FAM149A: variants seen among roughly 807,000 people sequenced by gnomAD.
FAM149A encodes protein FAM149A.
A neutral mutation model predicts 78.2 loss-of-function variants in FAM149A; 71 were observed. The ratio of observed to expected loss-of-function variants is 0.91; its 90% CI spans 0.75 to 1.11. The LOEUF (loss-of-function observed/expected upper bound fraction) is 1.11, where lower values mean the gene tolerates loss of function less well. Ranked by LOEUF, FAM149A falls within the 50% of genes least tolerant of loss-of-function variation. FAM149A has a pLI of 0.00. For missense variants in FAM149A, 1,036 were observed against 971.0 expected (o/e 1.07, Z -0.89); for synonymous variants, 446 against 410.5 (o/e 1.09, Z -1.04).
At chr4:186,129,750 G>A (rs563023089) in intron 1 of FAM149A, among the ~76,000 whole-genome samples, 4 of 152,156 alleles carry the variant, frequency 2.6e-5, no homozygotes, top group East Asian at 1.9e-4. Flanking sequence ...TGCAAGCAAC[G>A]ACTCTGTATT....
chr4:186,162,458 A>C (rs1657379326), intron 8 of FAM149A, among the ~76,000 whole-genome samples: 1 of 152,144 alleles, frequency 6.6e-6, no homozygotes, highest in Admixed American at 6.5e-5. Context: ...CTTGCCCTCC[A>C]ACCTCCGGGA....
At chr4:186,106,443 A>C (rs2099308790) in intron 1 of FAM149A, among the ~76,000 whole-genome samples, 2 of 152,186 alleles carry the variant, frequency 1.3e-5, no homozygotes, top group Non-Finnish European at 2.9e-5. Context: ...TGAGTGGGTA[A>C]ATTTTCATCC....
intron 8 of FAM149A, among the ~76,000 whole-genome samples, chr4:186,159,516 G>A (rs1734340041): frequency 6.6e-6 from 1 of 152,108 alleles, no homozygotes; most frequent in Non-Finnish European, 1.5e-5. Flanking sequence ...AAGAACAGGG[G>A]ATTAGGAATC....
chr4:186,105,760 A>G, intron 1 of FAM149A, 118 bp downstream of exon 1: 1 of 703,620 alleles, frequency 1.4e-6, no homozygotes, highest in African/African-American at 1.9e-5. Flanking sequence ...AGTAACTTTC[A>G]TAACCCCCTG....
At chr4:186,166,912 T>C in intron 11 of FAM149A, 56 bp from the exon 12 acceptor site, 1 of 1,552,810 alleles carries the variant, frequency 6.4e-7, no homozygotes, top group South Asian at 1.2e-5. Context: ...AGATTTTCTT[T>C]TGTGTTTTTA....
At chr4:186,136,978 C>T (rs1316704942) in intron 1 of FAM149A, among the ~76,000 whole-genome samples, 58 of 110,452 alleles carry the variant, frequency 5.3e-4, no homozygotes, top group Non-Finnish European at 9.6e-4. Flanking sequence ...CTCTCTCTTT[C>T]TCTCTCTCTC....
intron 13 of FAM149A, among the ~76,000 whole-genome samples, chr4:186,170,520 G>A (rs10440510): frequency 0.18 from 27,907 of 152,176 alleles, 6,799 homozygotes; most frequent in African/African-American, 0.56. Flanking sequence ...GGCCCTGTCC[G>A]GGGCCAACCC....
At chr4:186,127,984 G>A (rs1423968264) in intron 1 of FAM149A, among the ~76,000 whole-genome samples, 8 of 40,220 alleles carry the variant, frequency 2.0e-4, no homozygotes, top group South Asian at 9.1e-4. Flanking sequence ...CACCATGCCC[G>A]GCCTTTTTTT....
At chr4:186,126,193 C>G in intron 1 of FAM149A, 1 of 689,016 alleles carries the variant, frequency 1.5e-6, no homozygotes, top group Non-Finnish European at 1.8e-6. Flanking sequence ...AAGCCTCGCG[C>G]CTTGTTACCA....
intron 6 of FAM149A, chr4:186,155,059 T>G (rs1579897102): frequency 1.4e-4 from 48 of 344,654 alleles, no homozygotes; most frequent in South Asian, 2.3e-4. Context: ...GCCTCCCGGG[T>G]TCACGCCATT....
intron 13 of FAM149A, 83 bp from the exon 14 acceptor site, chr4:186,171,831 G>A (rs563137433): frequency 1.0e-6 from 1 of 981,444 alleles, no homozygotes; most frequent in Admixed American, 2.8e-5. Flanking sequence ...TAAAGTATTT[G>A]CATGGAGTGT....
chr4:186,108,175 T>C (rs1210102568), intron 1 of FAM149A, among the ~76,000 whole-genome samples: 2 of 152,162 alleles, frequency 1.3e-5, no homozygotes, highest in African/African-American at 4.8e-5. Flanking sequence ...AAATCAGGAA[T>C]TTAAATTTCA....
In FAM149A at chr4:186,162,828, T is replaced by TTTTTTTTC; in HGVS notation, c.1576-12_1576-11insTTCTTTTT. The TTTTTTTTC allele has an allele frequency of 9.9e-7, 1 of 1,009,818 alleles. No homozygotes were observed. The highest frequency in any genetic ancestry group is 1.6e-5 in the South Asian group (1 of 61,016). 62.6% of individuals were successfully genotyped at this position (1,009,818 alleles called of 1,614,324 possible). A position where few individuals can be genotyped will look rare whatever the true frequency, so the allele number is the denominator to read the frequency against. On this transcript the variant is annotated splice_polypyrimidine_tract_variant and intron_variant, in intron 8 of 13. Transcript: ENST00000389354. The stretch of plus-strand genomic sequence containing the variant: ...TGTAATTCTTTTTTTTTTTTTTTTT[T>TTTTTTTTC]TTTTTACTGTTCTCAGATTCATCAC...
At chr4:186,134,052 A>AT (rs1226517734) in intron 1 of FAM149A, among the ~76,000 whole-genome samples, 1 of 152,150 alleles carries the variant, frequency 6.6e-6, no homozygotes, top group Non-Finnish European at 1.5e-5. Context: ...ATCACAAACG[A>AT]TTTTTTTATA....
rs1734139252 is a variant in FAM149A at position 186,157,514 on chromosome 4, G to A, written c.1421-51G>A. 3.2e-6 allele frequency: 5 copies of A among 1,559,736 alleles called. No homozygotes were observed. The South Asian group carries it at 3.4e-5, about 10-fold the overall frequency. On this transcript the variant is annotated intron_variant, in intron 7 of 13. Coordinates refer to ENST00000389354, the MANE Select transcript of FAM149A (RefSeq NM_001367768.3). ...TTTCAAGAGTGAATTTTAAGTATTT[G>A]TATTAGATAATCTGATGTTTCTTGT...
At chr4:186,138,799 C>T (rs1015528068) in intron 1 of FAM149A, among the ~76,000 whole-genome samples, 2 of 152,140 alleles carry the variant, frequency 1.3e-5, no homozygotes, top group African/African-American at 2.4e-5. Context: ...TGACACATCA[C>T]GGATGGTGCC....
At position 186,105,388 on chromosome 4, in the gene FAM149A, T is replaced by C. The variant is rs941592321; in HGVS notation, c.312T>C (p.Gly104=). ...CTTGGCCCAGTAGCCCTAGAGCGGG[T>C]AAAGCCCCGCCCCAGCCCCCCACTC... Residue 104 remains glycine (G), a synonymous_variant, in exon 1 of 14, where the codon GGT becomes GGC. Coordinates refer to ENST00000389354, the MANE Select transcript of FAM149A (RefSeq NM_001367768.3). 4 of 1,182,716 alleles carry C rather than the reference T, an allele frequency of 3.4e-6. No homozygotes were observed. Among genetic ancestry groups the C allele is most frequent in the Non-Finnish European group, 3.2e-6 (3 of 944,524 alleles). 73.3% of individuals were successfully genotyped at this position (1,182,716 alleles called of 1,614,324 possible).
intron 3 of FAM149A, among the ~76,000 whole-genome samples, chr4:186,150,548 T>G (rs1346425231): frequency 8.0e-6 from 1 of 125,318 alleles, no homozygotes; most frequent in African/African-American, 3.0e-5. Context: ...GCCTCCCGAG[T>G]AGCTGGGACC....
chr4:186,119,598 T>C (rs1314309192), intron 1 of FAM149A, among the ~76,000 whole-genome samples: 3 of 152,240 alleles, frequency 2.0e-5, no homozygotes, highest in African/African-American at 7.2e-5. Context: ...CATTGCCTTC[T>C]TTATAACCAT....
Sources: gnomAD v4.1 joint callset for allele counts (sites outside exome capture counted in the v4.1 genomes callset) on GRCh38, gnomAD v4.1.1 for gene constraint, MANE v1.5 for transcripts, NCBI Gene and HGNC (gene_info 2026-07-23, HGNC 2026-07-21) for gene names.